The following CEP290 variants were observed in gnomAD, a reference collection of about 807,000 sequenced individuals.
CEP290 encodes centrosomal protein 290.
CEP290 carries 317 observed loss-of-function variants against 344.9 expected under a neutral mutation model. That is an observed-to-expected ratio of 0.92 (90% CI 0.84 to 1.01). CEP290 has a LOEUF of 1.01. Ranked by LOEUF, CEP290 falls within the 50% of genes least tolerant of loss-of-function variation. The pLI, the probability that CEP290 is intolerant of heterozygous loss-of-function variation, is 0.00. For synonymous variants in CEP290, 932 were observed against 895.8 expected, an observed-to-expected ratio of 1.04 and a Z score of -0.72; for missense variants, 2,754 against 2,761.4, an observed-to-expected ratio of 1.00 and a Z score of 0.06.
chr12:88,139,562 C>A lies in CEP290; in HGVS notation c.183G>T (p.Met61Ile). 1.3e-6 allele frequency: 2 copies of A among 1,568,078 alleles called. No individual in the cohort carries two copies. The highest frequency in any genetic ancestry group is 1.7e-4 in the Middle Eastern group (1 of 5,862). Residue 61 changes from methionine to isoleucine, a missense_variant and splice_region_variant, in exon 4 of 54, where the codon ATG (methionine) becomes ATT (isoleucine). Met to Ile is a conservative substitution (Grantham distance 10). Transcript: ENST00000552810. ...LFRITQSLMKMKAQEVELALE... is the reference protein window; with the variant it reads ...LFRITQSLMKIKAQEVELALE... The stretch of plus-strand genomic sequence containing the variant: ...AAGCCAGCTCCACTTCTTGAGCTTT[C>A]ATCTAAACATTAAAAAAAGGTTATT...
intron 13 of CEP290, among the ~76,000 whole-genome samples, chr12:88,124,801 T>C (rs1049736141): frequency 1.3e-5 from 2 of 152,042 alleles, no homozygotes; most frequent in Non-Finnish European, 2.9e-5. Context: ...TAGAATTTGA[T>C]GTGTTAAAAA....
chr12:88,071,750 T>TA (rs772778370), intron 42 of CEP290, 31 bp downstream of exon 42: 10 of 1,508,994 alleles, frequency 6.6e-6, no homozygotes, highest in Non-Finnish European at 8.9e-6. Context: ...ATTTTACACA[T>TA]AATTAGTTTT....
Position 88,055,703 on chromosome 12 carries a change from T to A in CEP290, c.6833A>T (p.Lys2278Met). ...SIVVTRMYET[K>M]LKELETDIAK... Reference sequence around the variant, plus strand: ...AATATCAGTTTCCAATTCTTTTAACTTGGTTTCATACATTCTAAAAGTATA... The same window carrying A: ...AATATCAGTTTCCAATTCTTTTAACATGGTTTCATACATTCTAAAAGTATA... The change falls in exon 50 of 54, where the codon AAG (lysine) becomes ATG (methionine). Residue 2278 changes from lysine to methionine, a missense_variant. Coordinates refer to ENST00000552810, the MANE Select transcript of CEP290 (RefSeq NM_025114.4). The A allele has an allele frequency of 2.0e-6, 3 of 1,530,758 alleles. No individual in the cohort carries two copies. Among genetic ancestry groups the A allele is most frequent in the South Asian group, 2.5e-5 (2 of 78,778 alleles). 94.8% of individuals were successfully genotyped at this position (1,530,758 alleles called of 1,614,324 possible).
chr12:88,097,088 T>A (rs996726277), intron 26 of CEP290, 89 bp from the exon 27 acceptor site: 4 of 683,566 alleles, frequency 5.9e-6, no homozygotes, highest in Non-Finnish European at 9.8e-6. Context: ...ATATAACATC[T>A]CCTTAAAACT....
intron 6 of CEP290, 36 bp from the exon 7 acceptor site, chr12:88,131,254 G>A: frequency 1.4e-6 from 2 of 1,402,096 alleles, no homozygotes; most frequent in Non-Finnish European, 9.4e-7. Flanking sequence ...ATAAGAAGAA[G>A]ATAAAATTCA....
At chr12:88,056,027 T>C (rs1386400963) in intron 49 of CEP290, among the ~76,000 whole-genome samples, 1 of 152,110 alleles carries the variant, frequency 6.6e-6, no homozygotes, top group Non-Finnish European at 1.5e-5. Flanking sequence ...GTAAAATTCT[T>C]CAGAATATAA....
chr12:88,141,050 G>A lies in CEP290; in HGVS notation c.103-17C>T, dbSNP rs976920583. ...TACTTCCACCTAAGTAAACAGAAAA[G>A]CAACTGTTTTATATTTTATAACCTT... On this transcript the variant is annotated splice_polypyrimidine_tract_variant and intron_variant, in intron 2 of 53. Coordinates refer to ENST00000552810, the MANE Select transcript of CEP290 (RefSeq NM_025114.4). 6.5e-6 allele frequency: 10 copies of A among 1,545,830 alleles called. No homozygotes were observed. In the African/African-American group the frequency reaches 1.2e-4, roughly 19 times the overall value.
At chr12:88,101,609 G>A (rs755048973) in intron 26 of CEP290, among the ~76,000 whole-genome samples, 24 of 147,056 alleles carry the variant, frequency 1.6e-4, no homozygotes, top group African/African-American at 4.0e-4. Flanking sequence ...GCGTTAAGCC[G>A]AGATCGTGCC....
At chr12:88,072,971 C>T (rs2035494711) in intron 41 of CEP290, among the ~76,000 whole-genome samples, 1 of 152,046 alleles carries the variant, frequency 6.6e-6, no homozygotes, top group Non-Finnish European at 1.5e-5. Flanking sequence ...GGAATTAGGG[C>T]ATTTCAGGGG....
At chr12:88,082,571 G>A (rs1227758390) in intron 37 of CEP290, among the ~76,000 whole-genome samples, 1 of 152,152 alleles carries the variant, frequency 6.6e-6, no homozygotes, top group African/African-American at 2.4e-5. Flanking sequence ...GCACCTGCCT[G>A]TAGTGCCAGC....
chr12:88,118,926 T>C (rs2039240069), intron 15 of CEP290, among the ~76,000 whole-genome samples, 183 bp from the exon 16 acceptor site: 1 of 152,218 alleles, frequency 6.6e-6, no homozygotes, highest in Non-Finnish European at 1.5e-5. Flanking sequence ...TTTATCACAA[T>C]TATTAATGGA....
At chr12:88,097,747 C>G (rs547611064) in intron 26 of CEP290, among the ~76,000 whole-genome samples, 33 of 152,200 alleles carry the variant, frequency 2.2e-4, no homozygotes, top group African/African-American at 7.7e-4. Context: ...GCTGTACATT[C>G]ATTTTGGCCA....
At chr12:88,129,571 T>G (rs2039942186) in intron 10 of CEP290, 123 bp downstream of exon 10, 1 of 583,460 alleles carries the variant, frequency 1.7e-6, no homozygotes. Flanking sequence ...TGACAAGATA[T>G]TACACTATTA....
intron 4 of CEP290, 96 bp from the exon 5 acceptor site, chr12:88,139,287 A>C: frequency 1.6e-6 from 1 of 616,300 alleles, no homozygotes; most frequent in Non-Finnish European, 2.6e-6. Flanking sequence ...ATTCTTTTAA[A>C]AGAGTCCATC....
chr12:88,090,855 G>A lies in CEP290; in HGVS notation c.3462-16C>T, dbSNP rs185796433. On this transcript the variant is annotated splice_polypyrimidine_tract_variant and intron_variant, in intron 29 of 53. Coordinates refer to ENST00000552810, the MANE Select transcript of CEP290 (RefSeq NM_025114.4). Reference sequence around the variant, plus strand: ...CTCTCTCAGTCTAGGAAATGATAAGGTATTTCAGGAACAATTAAGTACACT... The same window carrying A: ...CTCTCTCAGTCTAGGAAATGATAAGATATTTCAGGAACAATTAAGTACACT... 1.4e-6 allele frequency: 2 copies of A among 1,465,734 alleles called. No homozygotes were observed. Among genetic ancestry groups the A allele is most frequent in the African/African-American group, 2.8e-5 (2 of 71,162 alleles). The allele number at this position is 1,465,734 out of a possible 1,614,324, so 90.8% of individuals were successfully genotyped here.
Position 88,059,895 on chromosome 12 carries a change from T to C in CEP290, c.6645+3A>G. On this transcript the variant is annotated splice_donor_region_variant and intron_variant, in intron 48 of 53. Transcript: ENST00000552810. ...AAGTTATAATCAGTCATAAAAGTCA[T>C]ACTTTTTTAAGTTCTTTACGAAGCC... The C allele has an allele frequency of 6.3e-7, 1 of 1,575,788 alleles. No individual in the cohort carries two copies. The highest frequency in any genetic ancestry group is 8.6e-7 in the Non-Finnish European group (1 of 1,165,474).
chr12:88,117,498 T>C (rs2039125117), intron 17 of CEP290, among the ~76,000 whole-genome samples: 1 of 152,202 alleles, frequency 6.6e-6, no homozygotes, highest in Non-Finnish European at 1.5e-5. Context: ...AGTTTTTTCT[T>C]GAGAAAGTTT....
At chr12:88,117,504 AG>A (rs1046021938) in intron 17 of CEP290, among the ~76,000 whole-genome samples, 2 of 152,162 alleles carry the variant, frequency 1.3e-5, no homozygotes, top group African/African-American at 2.4e-5. Flanking sequence ...TTCTTGAGAA[AG>A]TTTTGGATGT....
At chr12:88,095,694 ACAG>A (rs2037374310) in intron 27 of CEP290, among the ~76,000 whole-genome samples, 1 of 152,352 alleles carries the variant, frequency 6.6e-6, no homozygotes, top group Admixed American at 6.5e-5. Flanking sequence ...ATTTAAGAGA[ACAG>A]CTCTATTTAG....
Sources: gnomAD v4.1 joint callset for allele counts (sites outside exome capture counted in the v4.1 genomes callset) on GRCh38, gnomAD v4.1.1 for gene constraint, MANE v1.5 for transcripts, NCBI Gene and HGNC (gene_info 2026-07-23, HGNC 2026-07-21) for gene names.